The following SGCE variants were observed in gnomAD, a reference collection of about 807,000 sequenced individuals.
SGCE encodes the protein sarcoglycan epsilon.
A neutral mutation model predicts 57.8 loss-of-function variants in SGCE; 26 were observed. The observed-to-expected ratio is 0.45, with a 90% CI of 0.33 to 0.62. The LOEUF is 0.62. Among genes scored for constraint, SGCE ranks in the 20% least tolerant of loss-of-function variants. The pLI is 0.02. For missense variants in SGCE, 468 were observed against 548.6 expected (o/e 0.85, Z 1.47); for synonymous variants, 183 against 189.5 (o/e 0.97, Z 0.28).
At chr7:94,649,935 T>C (rs1807651661) in intron 1 of SGCE, among the ~76,000 whole-genome samples, 1 of 152,186 alleles carries the variant, frequency 6.6e-6, no homozygotes, top group Non-Finnish European at 1.5e-5. Flanking sequence ...TTTTGTAGAA[T>C]CCGAAACTAC....
chr7:94,604,851 A>ATT (rs1799845940), intron 5 of SGCE, among the ~76,000 whole-genome samples: 1 of 102,488 alleles, frequency 9.8e-6, no homozygotes, highest in East Asian at 3.1e-4. Flanking sequence ...ATATATATAT[A>ATT]TATATATAAT....
intron 5 of SGCE, chr7:94,618,545 T>C (rs1341488517): frequency 1.9e-6 from 1 of 538,148 alleles, no homozygotes; most frequent in African/African-American, 1.9e-5. Context: ...CATCTACAAT[T>C]AGATTTCACA....
intron 2 of SGCE, chr7:94,628,714 T>C (rs1804165658): frequency 3.9e-6 from 1 of 254,082 alleles, no homozygotes; most frequent in Non-Finnish European, 7.7e-6. Flanking sequence ...AAATATTCCG[T>C]TCATGAAACT....
intron 1 of SGCE, among the ~76,000 whole-genome samples, chr7:94,641,787 G>A (rs190348791): frequency 6.6e-6 from 1 of 152,144 alleles, no homozygotes; most frequent in African/African-American, 2.4e-5. Flanking sequence ...TCAAAACCCA[G>A]ATTATTATTA....
chr7:94,593,823 A>C (rs1354618352), intron 9 of SGCE, among the ~76,000 whole-genome samples: 2 of 152,100 alleles, frequency 1.3e-5, no homozygotes, highest in African/African-American at 4.8e-5. Context: ...CATGTAGAGG[A>C]ATGTGAATAA....
At chr7:94,647,914 C>T (rs149342878) in intron 1 of SGCE, among the ~76,000 whole-genome samples, 2 of 152,238 alleles carry the variant, frequency 1.3e-5, no homozygotes, top group African/African-American at 2.4e-5. Context: ...GTTTTAAGGG[C>T]ACATTTATAT....
At chr7:94,620,237 A>G (rs1440513973) in intron 4 of SGCE, 1 of 152,034 alleles carries the variant, frequency 6.6e-6, no homozygotes, top group Non-Finnish European at 1.5e-5. Context: ...GATGAAGTCA[A>G]AGAAGAAACT....
chr7:94,607,212 A>G (rs1395234954), intron 5 of SGCE, among the ~76,000 whole-genome samples: 1 of 152,214 alleles, frequency 6.6e-6, no homozygotes, highest in African/African-American at 2.4e-5. Flanking sequence ...GTTGAATTCT[A>G]CTAGACATTT....
At chr7:94,602,792 A>C (rs1799482468) in intron 6 of SGCE, among the ~76,000 whole-genome samples, 1 of 152,188 alleles carries the variant, frequency 6.6e-6, no homozygotes, top group African/African-American at 2.4e-5. Flanking sequence ...TTTATGAATT[A>C]TGGGTAAGAT....
At chr7:94,639,862 T>C (rs1188137426) in intron 1 of SGCE, among the ~76,000 whole-genome samples, 1 of 152,170 alleles carries the variant, frequency 6.6e-6, no homozygotes, top group African/African-American at 2.4e-5. Context: ...AAATTCACAG[T>C]TGAATTTTCC....
chr7:94,588,080 A>T (rs893868287), intron 10 of SGCE: 3 of 1,316,796 alleles, frequency 2.3e-6, no homozygotes, highest in African/African-American at 3.0e-5. Flanking sequence ...TAAGTTATCT[A>T]CTCAGTATAG....
chr7:94,651,292 G>A (rs1807836060), intron 1 of SGCE, among the ~76,000 whole-genome samples: 1 of 152,150 alleles, frequency 6.6e-6, no homozygotes, highest in African/African-American at 2.4e-5. Flanking sequence ...ATTTCTAACA[G>A]CTATCCCTTT....
chr7:94,609,008 G>T (rs940315545), intron 5 of SGCE, among the ~76,000 whole-genome samples: 4 of 152,158 alleles, frequency 2.6e-5, no homozygotes, highest in Non-Finnish European at 4.4e-5. Flanking sequence ...TGGATTTGAT[G>T]ATGATTTTTT....
intron 3 of SGCE, chr7:94,624,162 C>CAAAAAAAA (rs11331999): frequency 6.0e-6 from 2 of 334,668 alleles, no homozygotes; most frequent in African/African-American, 2.6e-5. Context: ...TGCAGTACCT[C>CAAAAAAAA]AAAAAAAAAA....
chr7:94,634,570 G>T (rs1805282662), intron 1 of SGCE, among the ~76,000 whole-genome samples: 1 of 152,156 alleles, frequency 6.6e-6, no homozygotes, highest in African/African-American at 2.4e-5. Context: ...TTAATCGGCT[G>T]CAGGTTTAGA....
chr7:94,617,856 C>A (rs765745653), intron 5 of SGCE: 10 of 152,180 alleles, frequency 6.6e-5, no homozygotes, highest in Non-Finnish European at 1.5e-4. Flanking sequence ...AAATTTAATT[C>A]TTACTAATCC....
intron 1 of SGCE, among the ~76,000 whole-genome samples, chr7:94,636,021 G>A (rs1053896512): frequency 2.6e-5 from 4 of 152,088 alleles, no homozygotes; most frequent in African/African-American, 7.2e-5. Context: ...ATTTCTCTAG[G>A]AGATATGGCC....
intron 1 of SGCE, among the ~76,000 whole-genome samples, chr7:94,654,219 A>T (rs535344884): frequency 9.2e-5 from 14 of 152,216 alleles, no homozygotes; most frequent in East Asian, 7.7e-4. Context: ...TACGTTTTTT[A>T]AAAAAAGTCC....
At chr7:94,611,328 T>C (rs1800990993) in intron 5 of SGCE, among the ~76,000 whole-genome samples, 1 of 152,156 alleles carries the variant, frequency 6.6e-6, no homozygotes, top group South Asian at 2.1e-4. Flanking sequence ...AATGAAATAC[T>C]GATTTATTCT....
Sources: gnomAD v4.1 joint callset for allele counts (sites outside exome capture counted in the v4.1 genomes callset) on GRCh38, gnomAD v4.1.1 for gene constraint, MANE v1.5 for transcripts, NCBI Gene and HGNC (gene_info 2026-07-23, HGNC 2026-07-21) for gene names.